Variants in TMEM106B observed in about 807,000 individuals in gnomAD.
TMEM106B encodes the protein transmembrane protein 106B.
Under a neutral mutation model 31.1 loss-of-function variants are expected in TMEM106B, and 15 were observed. The observed-to-expected ratio is 0.48, with a 90% CI of 0.32 to 0.74. The LOEUF (loss-of-function observed/expected upper bound fraction) is 0.74. TMEM106B is among the 30% of genes least tolerant of loss of function. The probability of loss-of-function intolerance (pLI) is 0.03; values close to 1 mark genes in which losing one functional copy is unlikely to be tolerated. For synonymous variants in TMEM106B, 126 were observed against 112.5 expected, an observed-to-expected ratio of 1.12 and a Z score of -0.76; for missense variants, 283 against 327.3, an observed-to-expected ratio of 0.86 and a Z score of 1.04.
chr7:12,231,801 C>T, intron 7 of TMEM106B, 36 bp from the exon 8 acceptor site: 1 of 1,539,486 alleles, frequency 6.5e-7, no homozygotes, highest in Non-Finnish European at 8.9e-7. Flanking sequence ...TCTAATATAA[C>T]TATTAAATGT....
intron 2 of TMEM106B, chr7:12,215,614 C>A (rs766657229): frequency 2.7e-6 from 1 of 374,506 alleles, no homozygotes; most frequent in South Asian, 2.2e-5. Flanking sequence ...GATGGAGTTT[C>A]CCCATGTTTC....
chr7:12,211,734 T>C (rs776869785), intron 1 of TMEM106B, among the ~76,000 whole-genome samples: 1 of 152,244 alleles, frequency 6.6e-6, no homozygotes, highest in East Asian at 1.9e-4. Flanking sequence ...CGGGATCTTA[T>C]TTTGCAGCTT....
rs1381719896 is a variant in TMEM106B, at chr7:12,239,166, T to G, written c.*7191T>G. The stretch of plus-strand genomic sequence containing the variant: ...CTCCATCAGCACTTACTGCTTCACC[T>G]TGCACTTTTATATTATGGAAACAAC... On this transcript the variant is annotated 3_prime_UTR_variant, in exon 8 of 8. Transcript: ENST00000396668. 6.6e-6 allele frequency: 1 copy of G among 152,194 alleles called. No individual in the cohort carries two copies. Among genetic ancestry groups the G allele is most frequent in the Non-Finnish European group, 1.5e-5 (1 of 68,044 alleles). The allele number at this position is 152,194 out of a possible 1,614,324, so 9.4% of individuals were successfully genotyped here.
chr7:12,231,641 A>G (rs191142325), intron 7 of TMEM106B, 196 bp from the exon 8 acceptor site: 4 of 461,372 alleles, frequency 8.7e-6, no homozygotes, highest in Admixed American at 3.5e-5. Context: ...AATTATGTCT[A>G]CAGGGCTCAC....
intron 4 of TMEM106B, among the ~76,000 whole-genome samples, chr7:12,228,862 A>C (rs945787221): frequency 3.9e-5 from 6 of 152,062 alleles, no homozygotes; most frequent in Non-Finnish European, 8.8e-5. Flanking sequence ...CTATAAATGA[A>C]TTTGAGCATT....
chr7:12,221,524 T>C (rs924179857), intron 3 of TMEM106B, among the ~76,000 whole-genome samples: 1 of 152,158 alleles, frequency 6.6e-6, no homozygotes, highest in Admixed American at 6.5e-5. Flanking sequence ...CCACCTGAAA[T>C]CACTGTAAAA....
intron 4 of TMEM106B, among the ~76,000 whole-genome samples, chr7:12,228,084 C>T (rs1368200744): frequency 6.6e-6 from 1 of 151,814 alleles, no homozygotes; most frequent in Non-Finnish European, 1.5e-5. Flanking sequence ...TTGACATGAA[C>T]ATTAAGAGCC....
At chr7:12,212,020 C>T (rs1217373232) in intron 1 of TMEM106B, among the ~76,000 whole-genome samples, 1 of 152,002 alleles carries the variant, frequency 6.6e-6, no homozygotes, top group African/African-American at 2.4e-5. Flanking sequence ...ATTGAGTCTC[C>T]CAAGAATAAA....
chr7:12,232,071 C>G lies in TMEM106B; in HGVS notation c.*96C>G, dbSNP rs1212105199. ...TCCTAATAGGAGACCTTAAATTGAA[C>G]AAACCTAAAGTTTACACTTCTAAGA... is the stretch of plus-strand genomic sequence containing the variant. On this transcript the variant is annotated 3_prime_UTR_variant, in exon 8 of 8. Coordinates refer to ENST00000396668, the MANE Select transcript of TMEM106B (RefSeq NM_001134232.2). 2.4e-6 allele frequency: 3 copies of G among 1,239,134 alleles called. No homozygotes were observed. The South Asian group carries it at 5.2e-5, about 21-fold the overall frequency. 76.8% of individuals were successfully genotyped at this position (1,239,134 alleles called of 1,614,324 possible). A position where few individuals can be genotyped will look rare whatever the true frequency, so the allele number is the denominator to read the frequency against.
chr7:12,235,482 A>G lies in TMEM106B; in HGVS notation c.*3507A>G, dbSNP rs914801701. On this transcript the variant is annotated 3_prime_UTR_variant, in exon 8 of 8. Coordinates refer to ENST00000396668, the MANE Select transcript of TMEM106B (RefSeq NM_001134232.2). ...AATATAACACACTTCAGATTGTCTG[A>G]TTTACAGTTTGGAAAGGACACCGCA... 2 of 151,872 alleles carry G rather than the reference A, an allele frequency of 1.3e-5. No homozygotes were observed. Among genetic ancestry groups the G allele is most frequent in the Admixed American group, 6.6e-5 (1 of 15,234 alleles). The allele number at this position is 151,872 out of a possible 1,614,324, so 9.4% of individuals were successfully genotyped here.
At chr7:12,224,114 A>G in intron 3 of TMEM106B, 112 bp from the exon 4 acceptor site, 1 of 967,400 alleles carries the variant, frequency 1.0e-6, no homozygotes, top group Non-Finnish European at 1.6e-6. Flanking sequence ...AACATTTAGC[A>G]TCTTATATAT....
intron 2 of TMEM106B, among the ~76,000 whole-genome samples, chr7:12,217,453 T>G (rs1214580818): frequency 2.6e-5 from 4 of 152,206 alleles, no homozygotes; most frequent in Admixed American, 2.6e-4. Context: ...GTAGTATGAT[T>G]GTTGACATCA....
intron 2 of TMEM106B, among the ~76,000 whole-genome samples, chr7:12,217,824 A>G (rs1165479047): frequency 6.6e-6 from 1 of 152,186 alleles, no homozygotes; most frequent in Non-Finnish European, 1.5e-5. Context: ...AACTTCTAAT[A>G]AGATTATAAA....
intron 4 of TMEM106B, among the ~76,000 whole-genome samples, chr7:12,226,222 T>C (rs6948844): frequency 0.51 from 77,018 of 151,892 alleles, 20,580 homozygotes; most frequent in African/African-American, 0.66. Context: ...TTCTGTTCCA[T>C]TGGTCTGTAT....
intron 4 of TMEM106B, among the ~76,000 whole-genome samples, chr7:12,226,747 G>A (rs1031822012): frequency 3.9e-5 from 6 of 152,056 alleles, no homozygotes; most frequent in Non-Finnish European, 8.8e-5. Context: ...GTCAAAAGTT[G>A]CCGGTTTAAG....
At chr7:12,225,468 A>G (rs1440944069) in intron 4 of TMEM106B, among the ~76,000 whole-genome samples, 1 of 152,224 alleles carries the variant, frequency 6.6e-6, no homozygotes, top group East Asian at 1.9e-4. Flanking sequence ...TGGTTGAACT[A>G]GTTTACAGTC....
In TMEM106B at chr7:12,238,942, C is replaced by T. The variant is rs948883770; in HGVS notation, c.*6967C>T. 6.6e-6 allele frequency: 1 copy of T among 152,114 alleles called. No individual in the cohort carries two copies. The highest frequency in any genetic ancestry group is 2.4e-5 in the African/African-American group (1 of 41,428). The allele number at this position is 152,114 out of a possible 1,614,324, so 9.4% of individuals were successfully genotyped here. A position where few individuals can be genotyped will look rare whatever the true frequency, so the allele number is the denominator to read the frequency against. ...ATTGGCTTCAACTTAAAGTCACCAG[C>T]TACATTCACCACTAAAGAGAGTCAG... On this transcript the variant is annotated 3_prime_UTR_variant, in exon 8 of 8. Transcript: ENST00000396668.
intron 4 of TMEM106B, 119 bp downstream of exon 4, chr7:12,224,504 G>A: frequency 2.6e-6 from 2 of 776,410 alleles, no homozygotes; most frequent in South Asian, 4.3e-5. Context: ...TGTGCTTTCT[G>A]TATGTCTTTT....
rs999795024 is a variant in TMEM106B at position 12,242,713 on chromosome 7, T to A, written c.*10738T>A. 15 of 152,174 alleles carry A rather than the reference T, an allele frequency of 9.9e-5. No homozygotes were observed. Among genetic ancestry groups the A allele is most frequent in the Non-Finnish European group, 2.2e-4 (15 of 68,006 alleles). The allele number at this position is 152,174 out of a possible 1,614,324, so 9.4% of individuals were successfully genotyped here. A position where few individuals can be genotyped will look rare whatever the true frequency, so the allele number is the denominator to read the frequency against. ...ATTTGTCACACATACTTTCAAAACA[T>A]AACCTTCTTCAACGAGTATCTTCTT... On this transcript the variant is annotated 3_prime_UTR_variant, in exon 8 of 8. Transcript: ENST00000396668.
Sources: gnomAD v4.1 joint callset for allele counts (sites outside exome capture counted in the v4.1 genomes callset) on GRCh38, gnomAD v4.1.1 for gene constraint, MANE v1.5 for transcripts, NCBI Gene and HGNC (gene_info 2026-07-23, HGNC 2026-07-21) for gene names.